The following STAG1 variants were observed in gnomAD, a reference collection of about 807,000 sequenced individuals.
STAG1 encodes STAG1 cohesin complex component, also known as cohesin subunit SA-1.
In STAG1, 26 loss-of-function variants were observed where a neutral mutation model predicts 170.9. That is an observed-to-expected ratio of 0.15 (90% CI 0.11 to 0.21). The LOEUF is 0.21. Ranked by LOEUF, STAG1 falls within the 10% of genes least tolerant of loss-of-function variation. The pLI is 1.00. For missense variants in STAG1, 964 were observed against 1,509.5 expected (o/e 0.64, Z 5.99); for synonymous variants, 514 against 497.7 (o/e 1.03, Z -0.44).
At chr3:136,563,144 C>A (rs1936911658) in intron 5 of STAG1, among the ~76,000 whole-genome samples, 2 of 152,248 alleles carry the variant, frequency 1.3e-5, no homozygotes, top group Admixed American at 6.5e-5. Context: ...TTCTACATTG[C>A]AAAGTTTCTA....
chr3:136,632,127 A>G (rs1940355038), intron 1 of STAG1, among the ~76,000 whole-genome samples: 1 of 152,204 alleles, frequency 6.6e-6, no homozygotes, highest in Non-Finnish European at 1.5e-5. Context: ...AGAGGGGGAA[A>G]AAAAAAGTCA....
chr3:136,640,126 T>C (rs1940734485), intron 1 of STAG1, among the ~76,000 whole-genome samples: 1 of 152,084 alleles, frequency 6.6e-6, no homozygotes, highest in African/African-American at 2.4e-5. Context: ...AATAAATGAG[T>C]TCTTAATAAA....
rs1943108231 is a variant in STAG1, at chr3:136,702,326, T to C, written c.-84+49869A>G. On this transcript the variant is annotated intron_variant, in intron 1 of 33. Transcript: ENST00000383202. ...CCAATAAATATTGGTCAATATTAAA[T>C]TAACAAATTACTAAGTTAAATCCAC... Among the ~76,000 whole-genome samples, 4 of 152,232 alleles carry C rather than the reference T, an allele frequency of 2.6e-5. No homozygotes were observed. In the South Asian group the frequency reaches 8.3e-4, roughly 31 times the overall value.
At chr3:136,618,157 C>G (rs1191692942) in intron 3 of STAG1, among the ~76,000 whole-genome samples, 1 of 152,148 alleles carries the variant, frequency 6.6e-6, no homozygotes, top group Non-Finnish European at 1.5e-5. Context: ...CTGACTCATT[C>G]CAATCACCTG....
At chr3:136,514,110 G>T (rs1934221780) in intron 7 of STAG1, among the ~76,000 whole-genome samples, 1 of 152,122 alleles carries the variant, frequency 6.6e-6, no homozygotes. Flanking sequence ...TCTGTAAGTA[G>T]TATATGTAAT....
chr3:136,537,631 G>C (rs1935702247), intron 6 of STAG1, among the ~76,000 whole-genome samples: 1 of 151,196 alleles, frequency 6.6e-6, no homozygotes, highest in South Asian at 2.1e-4. Context: ...CTCCCCATTA[G>C]CTGGGATTAC....
intron 25 of STAG1, 145 bp downstream of exon 25, chr3:136,366,798 A>G: frequency 5.3e-6 from 3 of 567,238 alleles, no homozygotes; most frequent in Admixed American, 3.1e-5. Context: ...ACTGATAAAA[A>G]GCTTATATAA....
At chr3:136,547,859 T>C (rs999158454) in intron 5 of STAG1, among the ~76,000 whole-genome samples, 1 of 152,202 alleles carries the variant, frequency 6.6e-6, no homozygotes. Context: ...GTCTTACGTT[T>C]AATTGTTTAA....
At chr3:136,421,358 A>C (rs1358983854) in intron 19 of STAG1, among the ~76,000 whole-genome samples, 195 bp from the exon 20 acceptor site, 1 of 152,200 alleles carries the variant, frequency 6.6e-6, no homozygotes. Context: ...ATTTTAAATA[A>C]TGTTGTGATA....
intron 12 of STAG1, 128 bp from the exon 13 acceptor site, chr3:136,465,116 A>C (rs760750136): frequency 2.8e-5 from 16 of 577,466 alleles, no homozygotes; most frequent in Non-Finnish European, 4.0e-5. Context: ...CTTTTATCTT[A>C]CTTTGAAAGT....
intron 4 of STAG1, among the ~76,000 whole-genome samples, chr3:136,574,567 C>T (rs1937388345): frequency 6.6e-6 from 1 of 151,914 alleles, no homozygotes; most frequent in Admixed American, 6.6e-5. Context: ...GAAATCAAGA[C>T]AAGGAATGCT....
chr3:136,469,272 C>T (rs2089557661), intron 12 of STAG1, among the ~76,000 whole-genome samples: 1 of 152,154 alleles, frequency 6.6e-6, no homozygotes, highest in African/African-American at 2.4e-5. Context: ...AGCTGATAAG[C>T]AACTTCAGCA....
intron 1 of STAG1, among the ~76,000 whole-genome samples, chr3:136,684,792 A>C (rs1942455357): frequency 6.6e-6 from 1 of 151,700 alleles, no homozygotes; most frequent in African/African-American, 2.4e-5. Context: ...AAAAAAAAAA[A>C]AAAAAGTGCT....
rs760963813 is a variant in STAG1, at chr3:136,623,224, G to A, written c.54C>T (p.Ala18=). ...CAAGCTCGCTGCCAGCATCGGAATG[G>A]GCAGTAGTTTCATTAGTTGAATCCC... ...VLQDSTNETT[A]HSDAGSELEE... Residue 18 remains alanine (A), a synonymous_variant, in exon 3 of 34, where the codon GCC becomes GCT. Transcript: ENST00000383202. 12 of 1,613,440 alleles carry A rather than the reference G, an allele frequency of 7.4e-6. No homozygotes were observed. In the Middle Eastern group the frequency reaches 6.6e-4, roughly 89 times the overall value.
chr3:136,374,319 T>C (rs1425215215), intron 23 of STAG1, among the ~76,000 whole-genome samples: 1 of 49,266 alleles, frequency 2.0e-5, no homozygotes. Flanking sequence ...AATAAAGATA[T>C]AAGAAAAAAA....
intron 6 of STAG1, among the ~76,000 whole-genome samples, chr3:136,533,128 T>TA (rs1291189985): frequency 6.6e-5 from 10 of 151,830 alleles, no homozygotes; most frequent in Non-Finnish European, 1.2e-4. Context: ...AAAACAGCTG[T>TA]AAAAAAATCA....
intron 2 of STAG1, 148 bp downstream of exon 2, chr3:136,630,722 C>A (rs1940299792): frequency 3.0e-6 from 2 of 660,766 alleles, no homozygotes; most frequent in Middle Eastern, 8.4e-4. Flanking sequence ...TAATTACACA[C>A]CCTACTACTA....
chr3:136,677,875 TTC>T (rs1942175025), intron 1 of STAG1, among the ~76,000 whole-genome samples: 2 of 148,058 alleles, frequency 1.4e-5, no homozygotes, highest in East Asian at 3.9e-4. Flanking sequence ...ATCAGATCAT[TTC>T]TGATATATAT....
At chr3:136,454,378 CTTATT>C (rs1471241050) in intron 13 of STAG1, among the ~76,000 whole-genome samples, 2 of 150,050 alleles carry the variant, frequency 1.3e-5, no homozygotes, top group Admixed American at 6.7e-5. Context: ...CCGTGATCGG[CTTATT>C]TTATGTTTTT....
Sources: gnomAD v4.1 joint callset for allele counts (sites outside exome capture counted in the v4.1 genomes callset) on GRCh38, gnomAD v4.1.1 for gene constraint, MANE v1.5 for transcripts, NCBI Gene and HGNC (gene_info 2026-07-23, HGNC 2026-07-21) for gene names.